Variants in AHSA1 observed in about 807,000 individuals in gnomAD.
AHSA1 encodes the protein activator of HSP90 ATPase activity 1.
A neutral mutation model predicts 46.1 loss-of-function variants in AHSA1; 14 were observed. That is an observed-to-expected ratio of 0.30 (90% CI 0.20 to 0.47). The LOEUF (loss-of-function observed/expected upper bound fraction) is 0.47. AHSA1 is among the 20% of genes least tolerant of loss of function. The pLI, the probability that AHSA1 is intolerant of heterozygous loss-of-function variation, is 0.99. For synonymous variants in AHSA1, 147 were observed against 145.8 expected, an observed-to-expected ratio of 1.01 and a Z score of -0.06; for missense variants, 333 against 415.9, an observed-to-expected ratio of 0.80 and a Z score of 1.73.
intron 6 of AHSA1, 84 bp downstream of exon 6, chr14:77,465,751 C>T: frequency 1.4e-6 from 2 of 1,440,878 alleles, no homozygotes; most frequent in Non-Finnish European, 1.9e-6. Flanking sequence ...CAGCAGTGTA[C>T]AGAAGAGGTA....
At position 77,458,112 on chromosome 14, in the gene AHSA1, C is replaced by A. The variant is rs1246309825; in HGVS notation, c.-78C>A. Reference sequence around the variant, plus strand: ...GCTTCTAGTAGTTTCCAGGCGCTGCCGGGCGGCTGGCACTAAGCGGTCCTG... The same window carrying A: ...GCTTCTAGTAGTTTCCAGGCGCTGCAGGGCGGCTGGCACTAAGCGGTCCTG... On this transcript the variant is annotated 5_prime_UTR_variant, in exon 1 of 9. Transcript: ENST00000216479. 6 of 1,317,712 alleles carry A rather than the reference C, an allele frequency of 4.6e-6. No homozygotes were observed. In the East Asian group the frequency reaches 1.5e-4, roughly 34 times the overall value. 81.6% of individuals were successfully genotyped at this position (1,317,712 alleles called of 1,614,324 possible). A position where few individuals can be genotyped will look rare whatever the true frequency, so the allele number is the denominator to read the frequency against.
Position 77,469,419 on chromosome 14 carries a change from G to C in AHSA1, c.*170G>C. 1.5e-6 allele frequency: 1 copy of C among 665,412 alleles called. No homozygotes were observed. The highest frequency in any genetic ancestry group is 2.5e-6 in the Non-Finnish European group (1 of 401,642). 41.2% of individuals were successfully genotyped at this position (665,412 alleles called of 1,614,324 possible). A position where few individuals can be genotyped will look rare whatever the true frequency, so the allele number is the denominator to read the frequency against. On this transcript the variant is annotated 3_prime_UTR_variant, in exon 9 of 9. Transcript: ENST00000216479. ...ATGTTTTCTGCTGGGTGGGTTCAGA[G>C]GGCAATTTCTCTTTTATGTGTACAT...
intron 3 of AHSA1, 138 bp from the exon 4 acceptor site, chr14:77,462,504 A>T: frequency 1.2e-6 from 1 of 846,426 alleles, no homozygotes; most frequent in South Asian, 1.5e-5. Flanking sequence ...AGGAACACTA[A>T]TGGGGATTGT....
intron 1 of AHSA1, 142 bp from the exon 2 acceptor site, chr14:77,459,474 G>A (rs1188268059): frequency 6.9e-6 from 5 of 726,342 alleles, no homozygotes; most frequent in Non-Finnish European, 1.1e-5. Flanking sequence ...TGACATGTTT[G>A]TGGACATACT....
At chr14:77,462,080 G>A in intron 2 of AHSA1, 80 bp from the exon 3 acceptor site, 1 of 1,018,080 alleles carries the variant, frequency 9.8e-7, no homozygotes, top group Non-Finnish European at 1.5e-6. Context: ...AGCAGCAGAA[G>A]TGAGGTAGCA....
chr14:77,462,869 G>C, intron 4 of AHSA1, 110 bp downstream of exon 4: 1 of 892,674 alleles, frequency 1.1e-6, no homozygotes, highest in South Asian at 1.4e-5. Context: ...GATTTGGGGG[G>C]AGGGGGCTTA....
rs896560755 is a variant in AHSA1 at position 77,458,121 on chromosome 14, G to A, written c.-69G>A. The A allele has an allele frequency of 1.5e-6, 2 of 1,365,430 alleles. No homozygotes were observed. Among genetic ancestry groups the A allele is most frequent in the African/African-American group, 3.1e-5 (2 of 64,970 alleles). The allele number at this position is 1,365,430 out of a possible 1,614,324, so 84.6% of individuals were successfully genotyped here. Reference sequence around the variant, plus strand: ...AGTTTCCAGGCGCTGCCGGGCGGCTGGCACTAAGCGGTCCTGAGGCTGTGG... The same window carrying A: ...AGTTTCCAGGCGCTGCCGGGCGGCTAGCACTAAGCGGTCCTGAGGCTGTGG... On this transcript the variant is annotated 5_prime_UTR_variant, in exon 1 of 9. Coordinates refer to ENST00000216479, the MANE Select transcript of AHSA1 (RefSeq NM_012111.3).
At chr14:77,463,600 CA>C (rs869114214) in intron 4 of AHSA1, among the ~76,000 whole-genome samples, 4 of 49,608 alleles carry the variant, frequency 8.1e-5, no homozygotes, top group Non-Finnish European at 1.3e-4. Context: ...AAAAAAAAAA[CA>C]AAAAAAAAAC....
intron 2 of AHSA1, among the ~76,000 whole-genome samples, chr14:77,461,745 C>T (rs1267783554): frequency 6.6e-6 from 1 of 152,156 alleles, no homozygotes; most frequent in Non-Finnish European, 1.5e-5. Context: ...TCCGTATTCA[C>T]CTAGTGTTTC....
intron 2 of AHSA1, chr14:77,460,045 A>G (rs2079014945): frequency 3.7e-6 from 2 of 535,012 alleles, no homozygotes; most frequent in African/African-American, 1.9e-5. Flanking sequence ...GGGCCACTGC[A>G]TCTTTGGGCC....
chr14:77,462,107 A>C, intron 2 of AHSA1, 53 bp from the exon 3 acceptor site: 1 of 1,398,096 alleles, frequency 7.2e-7, no homozygotes, highest in Non-Finnish European at 1.0e-6. Flanking sequence ...ACCCTGGAGC[A>C]GAGACCTTTC....
At position 77,469,072 on chromosome 14, in the gene AHSA1, C is replaced by T. The variant is rs375708095; in HGVS notation, c.845-5C>T. 6 of 1,613,958 alleles carry T rather than the reference C, an allele frequency of 3.7e-6. No homozygotes were observed. The highest frequency in any genetic ancestry group is 1.1e-5 in the South Asian group (1 of 91,074). On this transcript the variant is annotated splice_region_variant and splice_polypyrimidine_tract_variant and intron_variant, in intron 8 of 8. Coordinates refer to ENST00000216479, the MANE Select transcript of AHSA1 (RefSeq NM_012111.3). ...TGAAACCTCCGTCCCCTCTGCCTTT[C>T]CCAGGACACTTTGCCACCATCACCT...
intron 5 of AHSA1, among the ~76,000 whole-genome samples, chr14:77,465,265 C>G (rs2079042994): frequency 6.6e-6 from 1 of 152,212 alleles, no homozygotes; most frequent in Admixed American, 6.5e-5. Flanking sequence ...ACACTGAGCT[C>G]TTCAAAAATA....
At chr14:77,459,359 A>G (rs2079009667) in intron 1 of AHSA1, among the ~76,000 whole-genome samples, 1 of 152,208 alleles carries the variant, frequency 6.6e-6, no homozygotes, top group Admixed American at 6.5e-5. Context: ...CCCCCGCACC[A>G]TCATGCCGAG....
In AHSA1 at chr14:77,462,708, G is replaced by C; in HGVS notation, c.421G>C (p.Val141Leu). 6.2e-7 allele frequency: 1 copy of C among 1,614,180 alleles called. No individual in the cohort carries two copies. Among genetic ancestry groups the C allele is most frequent in the Non-Finnish European group, 8.5e-7 (1 of 1,180,014 alleles). ...NLVALMKEEG[V>L]KLLREAMGIY... ...CGTGGCCTTAATGAAGGAAGAAGGG[G>C]TGAAACTTCTAAGAGAAGCAATGGG... The change falls in exon 4 of 9, where the codon GTG becomes CTG. Residue 141 changes from valine (V) to leucine (L), a missense_variant. By Grantham distance (32) the Val-to-Leu change is conservative (BLOSUM62 1). Transcript: ENST00000216479.
At chr14:77,466,410 G>T in intron 6 of AHSA1, 1 of 155,516 alleles carries the variant, frequency 6.4e-6, no homozygotes, top group Non-Finnish European at 1.4e-5. Flanking sequence ...CCATTCTGCT[G>T]CTATAGTGTG....
chr14:77,458,338 ACCTCGGC>A, intron 1 of AHSA1, 69 bp downstream of exon 1: 1 of 1,491,684 alleles, frequency 6.7e-7, no homozygotes, highest in Non-Finnish European at 9.0e-7. Context: ...GGTTCCTAGA[ACCTCGGC>A]CCGGACAGAG....
chr14:77,459,922 T>C (rs188746112), intron 2 of AHSA1, 116 bp downstream of exon 2: 1 of 1,141,326 alleles, frequency 8.8e-7, no homozygotes, highest in Non-Finnish European at 1.3e-6. Flanking sequence ...CAGATGTTGC[T>C]GCTTTGGAGT....
In AHSA1 at chr14:77,468,125, G is replaced by C. The variant is rs1430482145; in HGVS notation, c.733G>C (p.Asp245His). Residue 245 changes from aspartate (D) to histidine (H), a missense_variant, in exon 7 of 9, where the codon GAC (aspartate) becomes CAC (histidine). Transcript: ENST00000216479. ...CCATGCTCCTGCAACATTAGAAGCA[G>C]ACAGAGGTGGAAAGTTCCACATGGT... ...FTHAPATLEA[D>H]RGGKFHMVDG... 2.6e-6 allele frequency: 4 copies of C among 1,548,822 alleles called. No individual in the cohort carries two copies. The highest frequency in any genetic ancestry group is 3.5e-6 in the Non-Finnish European group (4 of 1,147,024).
Sources: allele counts gnomAD v4.1 joint callset (sites outside exome capture counted in the v4.1 genomes callset), GRCh38; gene constraint gnomAD v4.1.1; transcripts MANE v1.5; gene names NCBI Gene and HGNC (gene_info 2026-07-23, HGNC 2026-07-21).